Variants in BAZ1A observed in about 807,000 individuals in gnomAD.
BAZ1A encodes bromodomain adjacent to zinc finger domain 1A, also known as bromodomain adjacent to zinc finger domain protein 1A.
A neutral mutation model predicts 185.2 loss-of-function variants in BAZ1A; 50 were observed. That is an observed-to-expected ratio of 0.27 (90% CI 0.22 to 0.34). The LOEUF is 0.34. Ranked by LOEUF, BAZ1A falls within the 10% of genes least tolerant of loss-of-function variation. The pLI, the probability that BAZ1A is intolerant of heterozygous loss-of-function variation, is 1.00. For synonymous variants in BAZ1A, 571 were observed against 615.6 expected, an observed-to-expected ratio of 0.93 and a Z score of 1.07; for missense variants, 1,356 against 1,839.9, an observed-to-expected ratio of 0.74 and a Z score of 4.81.
chr14:34,768,678 T>C, intron 21 of BAZ1A: 2 of 382,988 alleles, frequency 5.2e-6, no homozygotes, highest in Non-Finnish European at 1.0e-5. Context: ...CTTTAAAAAG[T>C]TAAAAATTTA....
At chr14:34,862,399 T>A in intron 2 of BAZ1A, 77 bp from the exon 3 acceptor site, 5 of 1,487,632 alleles carry the variant, frequency 3.4e-6, no homozygotes, top group Non-Finnish European at 4.5e-6. Context: ...ACTGATAGCA[T>A]TATCAGGTTA....
rs184468450 is a variant in BAZ1A at position 34,869,879 on chromosome 14, T to G, written c.113+4613A>C. Among the ~76,000 whole-genome samples the G allele has an allele frequency of 5.5e-3, 839 of 152,308 alleles. 7 individuals carry two copies. Among genetic ancestry groups the G allele is most frequent in the African/African-American group, 0.019 (808 of 41,548 alleles). On this transcript the variant is annotated intron_variant, in intron 2 of 26. Coordinates refer to ENST00000360310, the MANE Select transcript of BAZ1A (RefSeq NM_013448.3). ...TTCCATTCTCACCCTCTTGAAACTC[T>G]AAGACCACCATGTGAAACAGCCTCT...
intron 3 of BAZ1A, among the ~76,000 whole-genome samples, chr14:34,828,280 C>G (rs1206313116): frequency 1.8e-5 from 2 of 112,568 alleles, no homozygotes; most frequent in Non-Finnish European, 3.4e-5. Flanking sequence ...GCAACAAGAG[C>G]GAAACTCCGT....
chr14:34,775,300 T>C (rs1428441349), intron 18 of BAZ1A, among the ~76,000 whole-genome samples: 1 of 152,172 alleles, frequency 6.6e-6, no homozygotes, highest in Non-Finnish European at 1.5e-5. Flanking sequence ...ATTTAAGCAA[T>C]TCTTTTTAAA....
intron 3 of BAZ1A, among the ~76,000 whole-genome samples, chr14:34,840,652 G>A (rs935738552): frequency 2.6e-5 from 4 of 151,860 alleles, no homozygotes; most frequent in East Asian, 1.9e-4. Context: ...CCAGCTACTC[G>A]GGATGCTGAG....
At chr14:34,827,277 GTC>G (rs1438551927) in intron 3 of BAZ1A, among the ~76,000 whole-genome samples, 1 of 152,172 alleles carries the variant, frequency 6.6e-6, no homozygotes, top group Admixed American at 6.5e-5. Context: ...TTCTGTTTAT[GTC>G]TGTTACGTCT....
chr14:34,754,973 C>A, intron 25 of BAZ1A, 59 bp from the exon 26 acceptor site: 2 of 1,322,040 alleles, frequency 1.5e-6, no homozygotes, highest in South Asian at 2.6e-5. Flanking sequence ...AAGAAGTGTT[C>A]AAATAACTAA....
chr14:34,820,145 T>G (rs1225410525), intron 4 of BAZ1A, among the ~76,000 whole-genome samples: 1 of 109,250 alleles, frequency 9.2e-6, no homozygotes, highest in Non-Finnish European at 2.0e-5. Flanking sequence ...TTTTTTTTTT[T>G]GAGACAGGGT....
chr14:34,779,950 T>A (rs1879928746), intron 17 of BAZ1A, among the ~76,000 whole-genome samples: 1 of 152,226 alleles, frequency 6.6e-6, no homozygotes, highest in South Asian at 2.1e-4. Context: ...TATTGTATCT[T>A]CTTTCTAAAG....
chr14:34,824,361 A>G (rs1294828783), intron 4 of BAZ1A, among the ~76,000 whole-genome samples: 1 of 126,362 alleles, frequency 7.9e-6, no homozygotes, highest in Non-Finnish European at 1.6e-5. Flanking sequence ...ACAACAGAAC[A>G]GGACTCCATC....
chr14:34,754,688 T>G (rs981017241), intron 26 of BAZ1A, 139 bp downstream of exon 26: 17 of 553,952 alleles, frequency 3.1e-5, no homozygotes, highest in Non-Finnish European at 5.3e-5. Context: ...TGGAATGCCA[T>G]CTACACAACT....
At chr14:34,840,954 AT>A (rs869273462) in intron 3 of BAZ1A, among the ~76,000 whole-genome samples, 12 of 95,028 alleles carry the variant, frequency 1.3e-4, no homozygotes, top group African/African-American at 2.4e-4. Flanking sequence ...CAAAATCAAT[AT>A]TTTTTTTTTT....
intron 3 of BAZ1A, among the ~76,000 whole-genome samples, chr14:34,835,440 C>A (rs537902840): frequency 6.6e-6 from 1 of 151,944 alleles, no homozygotes; most frequent in Admixed American, 6.5e-5. Context: ...CTCTTAAGCC[C>A]ATATACTTTC....
At chr14:34,812,524 G>A (rs1249748729) in intron 4 of BAZ1A, among the ~76,000 whole-genome samples, 1 of 152,130 alleles carries the variant, frequency 6.6e-6, no homozygotes, top group East Asian at 1.9e-4. Context: ...ACACTCTGGG[G>A]AAGACACTCT....
chr14:34,799,072 A>C (rs1417080051), intron 9 of BAZ1A, among the ~76,000 whole-genome samples: 1 of 152,074 alleles, frequency 6.6e-6, no homozygotes, highest in African/African-American at 2.4e-5. Flanking sequence ...GGATGAGTTC[A>C]TGTCCTTTGC....
At chr14:34,857,812 G>A (rs868523528) in intron 3 of BAZ1A, among the ~76,000 whole-genome samples, 23 of 152,236 alleles carry the variant, frequency 1.5e-4, no homozygotes, top group African/African-American at 2.4e-4. Context: ...TGTCTAGAGA[G>A]TTCTTGACAT....
chr14:34,810,387 C>A (rs2041913673), intron 5 of BAZ1A, among the ~76,000 whole-genome samples: 1 of 152,178 alleles, frequency 6.6e-6, no homozygotes, highest in African/African-American at 2.4e-5. Flanking sequence ...AGGCCTCAAA[C>A]AGGAACTTTT....
At position 34,758,717 on chromosome 14, in the gene BAZ1A, A is replaced by G; in HGVS notation, c.4373T>C (p.Val1458Ala). 1 of 1,614,068 alleles carries G rather than the reference A, an allele frequency of 6.2e-7. No individual in the cohort carries two copies. The highest frequency in any genetic ancestry group is 8.5e-7 in the Non-Finnish European group (1 of 1,179,982). Residue 1458 changes from valine (V) to alanine (A), a missense_variant, in exon 25 of 27, where the codon GTT becomes GCT. Val to Ala is a moderately conservative substitution (Grantham distance 64, BLOSUM62 0). This residue lies in a region of BAZ1A where 61 missense variants were observed against 117.9 expected (regional missense o/e 0.52). Coordinates refer to ENST00000360310, the MANE Select transcript of BAZ1A (RefSeq NM_013448.3). ...TCTAGTAATTACCTGGATTTTAGAA[A>G]CAAGTTTCAAAAAAGGCCAGCTGTC... ...HDDSWPFLKL[V>A]SKIQVPDYYD...
chr14:34,784,201 T>C (rs1476154544), intron 14 of BAZ1A, among the ~76,000 whole-genome samples: 1 of 151,360 alleles, frequency 6.6e-6, no homozygotes, highest in African/African-American at 2.4e-5. Flanking sequence ...AAACCCCAAC[T>C]CTACTAAAAA....
Sources: gnomAD v4.1 joint callset for allele counts (sites outside exome capture counted in the v4.1 genomes callset) on GRCh38, gnomAD v4.1.1 for gene constraint, gnomAD v4.1.1 regional missense constraint, MANE v1.5 for transcripts, NCBI Gene and HGNC (gene_info 2026-07-23, HGNC 2026-07-21) for gene names.